NEGR1: variants seen among roughly 807,000 people sequenced by gnomAD.
NEGR1 encodes the protein neuronal growth regulator 1.
Under a neutral mutation model 40.9 loss-of-function variants are expected in NEGR1, and 10 were observed. The ratio of observed to expected loss-of-function variants is 0.24; its 90% CI spans 0.15 to 0.42. The LOEUF is 0.42. Among genes scored for constraint, NEGR1 ranks in the 10% least tolerant of loss-of-function variants. The pLI, the probability that NEGR1 is intolerant of heterozygous loss-of-function variation, is 1.00. For synonymous variants in NEGR1, 185 were observed against 166.8 expected (o/e 1.11, Z -0.84); for missense variants, 352 against 438.9 (o/e 0.80, Z 1.77).
At chr1:71,625,252 G>T (rs1045431903) in intron 4 of NEGR1, among the ~76,000 whole-genome samples, 20 of 151,234 alleles carry the variant, frequency 1.3e-4, no homozygotes, top group African/African-American at 3.6e-4. Context: ...TTGTGTGTAT[G>T]ATACCTTATA....
rs535478267 is a variant in NEGR1 at position 72,063,095 on chromosome 1, AT to A, written c.177-127785del. Among the ~76,000 whole-genome samples the A allele has an allele frequency of 3.8e-4, 58 of 152,054 alleles. No individual in the cohort carries two copies. The East Asian group carries it at 0.011, about 28-fold the overall frequency. On this transcript the variant is annotated intron_variant, in intron 1 of 6. Transcript: ENST00000357731. ...GATATAGTATTTATTTTGAAAAAAA[AT>A]CTGTTCAGTCCCAGTTTATTTCTGA...
intron 6 of NEGR1, among the ~76,000 whole-genome samples, chr1:71,498,786 A>G (rs556743788): frequency 6.6e-6 from 1 of 152,256 alleles, no homozygotes; most frequent in African/African-American, 2.4e-5. Context: ...ATGACCACTC[A>G]TAAGATCATT....
chr1:72,125,577 T>A (rs1464505321), intron 1 of NEGR1, among the ~76,000 whole-genome samples: 1 of 152,030 alleles, frequency 6.6e-6, no homozygotes, highest in Non-Finnish European at 1.5e-5. Context: ...GGAACTTTCA[T>A]CATAAAGATA....
chr1:71,459,162 T>C (rs1440624389), intron 6 of NEGR1, among the ~76,000 whole-genome samples: 1 of 152,210 alleles, frequency 6.6e-6, no homozygotes, highest in East Asian at 1.9e-4. Context: ...TTTTGGAAAA[T>C]ACTATTCCAA....
At chr1:71,433,095 G>T (rs1605262) in intron 6 of NEGR1, among the ~76,000 whole-genome samples, 142,189 of 152,246 alleles carry the variant, frequency 0.93, 66,830 homozygotes, top group Non-Finnish European at 0.99. Context: ...TGCTTGAGTG[G>T]CAGGTGTGTT....
At chr1:71,770,733 A>C (rs949766660) in intron 3 of NEGR1, among the ~76,000 whole-genome samples, 1 of 152,242 alleles carries the variant, frequency 6.6e-6, no homozygotes, top group African/African-American at 2.4e-5. Flanking sequence ...AAAAATGTAA[A>C]TAAAAACCAC....
intron 4 of NEGR1, among the ~76,000 whole-genome samples, chr1:71,680,211 A>T (rs1381903598): frequency 1.3e-5 from 2 of 152,108 alleles, no homozygotes; most frequent in African/African-American, 2.4e-5. Flanking sequence ...ATCCATTAAC[A>T]TTAGACAGAA....
At chr1:71,653,277 A>C (rs909586859) in intron 4 of NEGR1, among the ~76,000 whole-genome samples, 11 of 152,236 alleles carry the variant, frequency 7.2e-5, no homozygotes, top group Non-Finnish European at 1.6e-4. Flanking sequence ...ACTTGTTGGA[A>C]TATTTATGAA....
intron 2 of NEGR1, among the ~76,000 whole-genome samples, chr1:71,903,020 T>C (rs1661181385): frequency 6.6e-6 from 1 of 150,890 alleles, no homozygotes; most frequent in Admixed American, 6.6e-5. Context: ...CTTTTATTAA[T>C]TTCCCAAAGT....
chr1:71,894,070 G>T (rs1264818360), intron 2 of NEGR1, among the ~76,000 whole-genome samples: 2 of 109,680 alleles, frequency 1.8e-5, no homozygotes, highest in African/African-American at 3.4e-5. Context: ...TGGGGACTGT[G>T]GTGGGGTCGG....
intron 1 of NEGR1, among the ~76,000 whole-genome samples, chr1:72,065,991 C>A (rs577144265): frequency 6.6e-6 from 1 of 152,050 alleles, no homozygotes; most frequent in Admixed American, 6.6e-5. Context: ...CAATTAAAAA[C>A]ACTAATTTTA....
At chr1:71,484,617 G>A (rs779459803) in intron 6 of NEGR1, among the ~76,000 whole-genome samples, 46 of 151,718 alleles carry the variant, frequency 3.0e-4, no homozygotes, top group Non-Finnish European at 6.2e-4. Flanking sequence ...CAACTGAAAA[G>A]TTCTAAGACA....
chr1:71,810,711 A>G (rs1350170144), intron 2 of NEGR1, among the ~76,000 whole-genome samples: 1 of 151,850 alleles, frequency 6.6e-6, no homozygotes, highest in Admixed American at 6.6e-5. Flanking sequence ...TACTCAGGAG[A>G]TCTGGTTGTT....
intron 6 of NEGR1, among the ~76,000 whole-genome samples, chr1:71,474,731 A>AAC (rs1553144623): frequency 2.0e-5 from 3 of 148,812 alleles, no homozygotes; most frequent in Non-Finnish European, 4.5e-5. Context: ...AAAAAAAAAA[A>AAC]AAAAAAACAA....
At chr1:72,068,368 T>C (rs930239819) in intron 1 of NEGR1, among the ~76,000 whole-genome samples, 1 of 152,132 alleles carries the variant, frequency 6.6e-6, no homozygotes, top group Admixed American at 6.6e-5. Context: ...CAAGATCCAA[T>C]CAGATCACAC....
intron 2 of NEGR1, among the ~76,000 whole-genome samples, chr1:71,843,208 C>T (rs1033004086): frequency 6.6e-6 from 1 of 152,050 alleles, no homozygotes; most frequent in Admixed American, 6.6e-5. Context: ...GCTGCAGCAA[C>T]ATCCTATTTG....
chr1:72,005,186 AT>A (rs1210988606), intron 1 of NEGR1, among the ~76,000 whole-genome samples: 25 of 152,066 alleles, frequency 1.6e-4, no homozygotes, highest in Admixed American at 1.6e-3. Flanking sequence ...TATTATGTTT[AT>A]TTTTGGCTAT....
intron 1 of NEGR1, among the ~76,000 whole-genome samples, chr1:72,209,149 C>A (rs757623370): frequency 7.9e-5 from 12 of 151,294 alleles, no homozygotes. Flanking sequence ...TTATTAAACT[C>A]TTTTAATTTT....
intron 4 of NEGR1, among the ~76,000 whole-genome samples, chr1:71,643,589 G>T (rs932650662): frequency 1.3e-5 from 2 of 151,954 alleles, no homozygotes; most frequent in Non-Finnish European, 2.9e-5. Flanking sequence ...TAGCCTCAAA[G>T]AAAGAGAGAA....
Sources: allele counts gnomAD v4.1 joint callset (sites outside exome capture counted in the v4.1 genomes callset), GRCh38; gene constraint gnomAD v4.1.1; transcripts MANE v1.5; gene names NCBI Gene and HGNC (gene_info 2026-07-23, HGNC 2026-07-21).